The following GSE1 variants were observed in gnomAD, a reference collection of about 807,000 sequenced individuals.
The protein encoded by GSE1 is Gse1 coiled-coil protein.
In GSE1, 32 loss-of-function variants were observed where a neutral mutation model predicts 112.6. That is an observed-to-expected ratio of 0.28 (90% CI 0.21 to 0.38). The LOEUF (loss-of-function observed/expected upper bound fraction) is 0.38, where lower values mean the gene tolerates loss of function less well. Among genes scored for constraint, GSE1 ranks in the 10% least tolerant of loss-of-function variants. GSE1 has a pLI of 1.00. For synonymous variants in GSE1, 1,115 were observed against 735.6 expected (o/e 1.52, Z -8.35); for missense variants, 2,348 against 1,699.2 (o/e 1.38, Z -6.71).
chr16:85,290,341 C>T (rs984171771), intron 1 of GSE1, among the ~76,000 whole-genome samples: 2 of 152,224 alleles, frequency 1.3e-5, no homozygotes, highest in Non-Finnish European at 2.9e-5. Flanking sequence ...TGGAGTGCGG[C>T]AGCCTTCAAG....
chr16:85,572,247 C>T (rs1354304053), intron 1 of GSE1, among the ~76,000 whole-genome samples: 7 of 148,314 alleles, frequency 4.7e-5, no homozygotes, highest in African/African-American at 1.7e-4. Flanking sequence ...AAACACACCA[C>T]ACCACACACA....
At chr16:85,359,390 C>G (rs1330458211) in intron 2 of GSE1, 3 of 456,082 alleles carry the variant, frequency 6.6e-6, no homozygotes, top group Non-Finnish European at 1.3e-5. Context: ...CGGAGCAGAA[C>G]AAGGCCCAGA....
intron 2 of GSE1, among the ~76,000 whole-genome samples, chr16:85,529,503 C>G (rs376035850): frequency 8.0e-4 from 122 of 152,342 alleles, no homozygotes; most frequent in African/African-American, 2.8e-3. Flanking sequence ...TCCTGGTACC[C>G]TGGGTCTGTG....
At chr16:85,429,192 C>G (rs755757425) in intron 2 of GSE1, among the ~76,000 whole-genome samples, 2 of 152,206 alleles carry the variant, frequency 1.3e-5, no homozygotes, top group Non-Finnish European at 2.9e-5. Flanking sequence ...TGCACGCCTT[C>G]TCAGGACACA....
At chr16:85,404,095 G>GC (rs1298720620) in intron 2 of GSE1, among the ~76,000 whole-genome samples, 1 of 150,872 alleles carries the variant, frequency 6.6e-6, no homozygotes, top group South Asian at 2.1e-4. Context: ...TGGACACAGG[G>GC]CCCCCCCGGA....
chr16:85,291,478 C>T (rs889902920), intron 1 of GSE1, among the ~76,000 whole-genome samples: 1 of 152,242 alleles, frequency 6.6e-6, no homozygotes, highest in Non-Finnish European at 1.5e-5. Flanking sequence ...AGCCTCCTCC[C>T]CCGGCCCCCG....
At chr16:85,628,984 C>G (rs1042260550) in intron 1 of GSE1, among the ~76,000 whole-genome samples, 1 of 152,108 alleles carries the variant, frequency 6.6e-6, no homozygotes, top group African/African-American at 2.4e-5. Flanking sequence ...GTGGATCTCT[C>G]ATGAAGGGGT....
chr16:85,371,323 G>C (rs2047295926), intron 2 of GSE1, among the ~76,000 whole-genome samples: 1 of 152,248 alleles, frequency 6.6e-6, no homozygotes, highest in African/African-American at 2.4e-5. Flanking sequence ...GGAGGAGCCA[G>C]GGAGTGGGTC....
Position 85,312,611 on chromosome 16 carries a change from C to T in GSE1, c.2284-44852C>T, listed in dbSNP as rs190143738. On this transcript the variant is annotated intron_variant, in intron 1 of 2. Coordinates refer to the GSE1 transcript ENST00000637419. ...ACTTCCTGACATCTGCAAAGACCCC[C>T]TTTCCAGACTGCCACATTCACAGGT... Among the ~76,000 whole-genome samples the T allele has an allele frequency of 7.8e-4, 119 of 152,266 alleles. 1 individual carries two copies. Among genetic ancestry groups the T allele is most frequent in the African/African-American group, 2.8e-3 (117 of 41,544 alleles).
chr16:85,225,528 G>A (rs560008062), intron 1 of GSE1, among the ~76,000 whole-genome samples: 2 of 152,316 alleles, frequency 1.3e-5, no homozygotes, highest in South Asian at 2.1e-4. Flanking sequence ...CCCCAGGGAG[G>A]TGCAGCCTGA....
At chr16:85,480,690 C>T (rs373722625) in intron 2 of GSE1, among the ~76,000 whole-genome samples, 7 of 141,896 alleles carry the variant, frequency 4.9e-5, no homozygotes, top group East Asian at 1.9e-4. Flanking sequence ...GCAGGTGTGG[C>T]GGGCGGCAGG....
intron 1 of GSE1, among the ~76,000 whole-genome samples, chr16:85,289,865 T>C (rs2045155249): frequency 6.6e-6 from 1 of 152,202 alleles, no homozygotes; most frequent in African/African-American, 2.4e-5. Context: ...ACGGTTTTAC[T>C]CAGAAAGAAG....
intron 2 of GSE1, among the ~76,000 whole-genome samples, chr16:85,408,703 T>A (rs1180628887): frequency 1.7e-5 from 1 of 59,402 alleles, no homozygotes; most frequent in Admixed American, 1.4e-4. Flanking sequence ...TAATCCTCAC[T>A]GTTACACTCA....
In GSE1 at chr16:85,419,270, T is replaced by C. The variant is rs1435910198; in HGVS notation, c.2464+61627T>C. 1.3e-5 allele frequency among the ~76,000 whole-genome samples: 2 copies of C among 152,092 alleles called. No individual in the cohort carries two copies. The highest frequency in any genetic ancestry group is 4.1e-4 in the South Asian group (2 of 4,820). Reference sequence around the variant, plus strand: ...AAAAGGTTCACCTCATAGAGGGCGCTAGAGGCCACCTCAGGAGGCAACATT... The same window carrying C: ...AAAAGGTTCACCTCATAGAGGGCGCCAGAGGCCACCTCAGGAGGCAACATT... On this transcript the variant is annotated intron_variant, in intron 2 of 2. Coordinates refer to the GSE1 transcript ENST00000637419. This position sits in a 1 kb window ranked among gnomAD's most constrained non-coding sequence, Gnocchi z 6.5.
In GSE1 at chr16:85,373,664, C is replaced by T. The variant is rs1218363914; in HGVS notation, c.2464+16021C>T. The stretch of plus-strand genomic sequence containing the variant: ...TGGCCACGGCCTGGAAGAGTCCGCT[C>T]AGAGCAGGTGCTCCAGGGAGATTCT... On this transcript the variant is annotated intron_variant, in intron 2 of 2. Coordinates refer to the GSE1 transcript ENST00000637419. The surrounding 1 kb of genome is among the most constrained non-coding windows in gnomAD (Gnocchi z 5.1). 6.6e-6 allele frequency among the ~76,000 whole-genome samples: 1 copy of T among 152,176 alleles called. No individual in the cohort carries two copies. The highest frequency in any genetic ancestry group is 2.4e-5 in the African/African-American group (1 of 41,450).
At chr16:85,360,076 A>T (rs77000540) in intron 2 of GSE1, among the ~76,000 whole-genome samples, 4,189 of 151,994 alleles carry the variant, frequency 0.028, 184 homozygotes, top group African/African-American at 0.097. Context: ...AAAACAATCA[A>T]TTCAGGGGTT....
chr16:85,608,052 C>G (rs2047788053), upstream of GSE1, among the ~76,000 whole-genome samples: 1 of 152,206 alleles, frequency 6.6e-6, no homozygotes, highest in Non-Finnish European at 1.5e-5. Flanking sequence ...GAGTGGGACG[C>G]AACCTGGAGA....
rs1555521396 is a variant in GSE1 at position 85,494,468 on chromosome 16, T to TC, written c.2464+136827dup. Among the ~76,000 whole-genome samples the TC allele has an allele frequency of 2.0e-4, 31 of 151,504 alleles. 1 individual carries two copies. The highest frequency in any genetic ancestry group is 4.2e-4 in the South Asian group (2 of 4,796). On this transcript the variant is annotated intron_variant, in intron 2 of 2. Coordinates refer to the GSE1 transcript ENST00000637419. Reference sequence around the variant, plus strand: ...ATAAGGTCACCTTTTTTTTTTTTTTTCCAAGACAGGGTCTCACTCTGTTGC... The same window carrying TC: ...ATAAGGTCACCTTTTTTTTTTTTTTTCCCAAGACAGGGTCTCACTCTGTTGC...
At chr16:85,537,559 C>A (rs2044373232) in intron 2 of GSE1, among the ~76,000 whole-genome samples, 1 of 152,316 alleles carries the variant, frequency 6.6e-6, no homozygotes, top group South Asian at 2.1e-4. Flanking sequence ...GGCGCAGGAA[C>A]CCCCTGTGGG....
Sources: allele counts gnomAD v4.1 joint callset (sites outside exome capture counted in the v4.1 genomes callset), GRCh38; gene constraint gnomAD v4.1.1; non-coding constraint Gnocchi (gnomAD v3.1); transcripts MANE v1.5; gene names NCBI Gene and HGNC (gene_info 2026-07-23, HGNC 2026-07-21).